Variants in NDST4 observed in about 807,000 individuals in gnomAD.
The protein encoded by NDST4 is N-deacetylase and N-sulfotransferase 4.
In NDST4, 63 loss-of-function variants were observed where a neutral mutation model predicts 100.8. That is an observed-to-expected ratio of 0.62 (90% CI 0.51 to 0.77). The LOEUF (loss-of-function observed/expected upper bound fraction) is 0.77. Among genes scored for constraint, NDST4 ranks in the 30% least tolerant of loss-of-function variants. The pLI, the probability that NDST4 is intolerant of heterozygous loss-of-function variation, is 0.00. For synonymous variants in NDST4, 377 were observed against 361.8 expected (o/e 1.04, Z -0.48); for missense variants, 943 against 1,018.4 (o/e 0.93, Z 1.01).
chr4:115,021,629 G>A (rs530848672), intron 2 of NDST4, among the ~76,000 whole-genome samples: 22 of 129,616 alleles, frequency 1.7e-4, no homozygotes, highest in African/African-American at 5.0e-4. Context: ...ATATACACAC[G>A]TTCCACATAT....
intron 1 of NDST4, among the ~76,000 whole-genome samples, chr4:115,088,279 C>T (rs892248433): frequency 1.4e-4 from 21 of 151,686 alleles, no homozygotes; most frequent in African/African-American, 4.8e-4. Flanking sequence ...TCCTTATCTG[C>T]CTCCTGATTC....
At chr4:115,045,993 T>C (rs1223559004) in intron 2 of NDST4, among the ~76,000 whole-genome samples, 4 of 152,108 alleles carry the variant, frequency 2.6e-5, no homozygotes, top group Non-Finnish European at 5.9e-5. Context: ...ATTCACCAAT[T>C]GTGGAAGTTT....
intron 2 of NDST4, among the ~76,000 whole-genome samples, chr4:115,027,980 CAGGTGG>C (rs1560572450): frequency 6.6e-6 from 1 of 151,622 alleles, no homozygotes; most frequent in African/African-American, 2.4e-5. Context: ...TTGAACCCAG[CAGGTGG>C]AGTTTGCGAT....
intron 1 of NDST4, among the ~76,000 whole-genome samples, chr4:115,085,688 T>C (rs947807961): frequency 5.9e-5 from 9 of 152,196 alleles, no homozygotes; most frequent in African/African-American, 2.2e-4. Flanking sequence ...CCTTCTACCA[T>C]GATTTTAAGT....
rs59806494 is a variant in NDST4, at chr4:114,986,793, C to CATATATAT, written c.979-9527_979-9520dup. ...CCTCTAAGCCTGGTATCCAATTATA[C>CATATATAT]ATATATATATATATATATATATATA... On this transcript the variant is annotated intron_variant, in intron 2 of 13. Coordinates refer to ENST00000264363, the MANE Select transcript of NDST4 (RefSeq NM_022569.3). 3.6e-3 allele frequency among the ~76,000 whole-genome samples: 330 copies of CATATATAT among 91,022 alleles called. 6 individuals carry two copies. Among genetic ancestry groups the CATATATAT allele is most frequent in the South Asian group, 0.019 (31 of 1,590 alleles). 59.7% of individuals were successfully genotyped at this position (91,022 alleles called of 152,430 possible). A position where few individuals can be genotyped will look rare whatever the true frequency, so the allele number is the denominator to read the frequency against.
intron 1 of NDST4, among the ~76,000 whole-genome samples, chr4:115,077,515 T>C (rs1729214272): frequency 6.6e-6 from 1 of 152,150 alleles, no homozygotes; most frequent in Non-Finnish European, 1.5e-5. Context: ...TAAACATCCA[T>C]ATGTATATAG....
At chr4:114,883,192 A>T (rs991644766) in intron 6 of NDST4, among the ~76,000 whole-genome samples, 20 of 152,068 alleles carry the variant, frequency 1.3e-4, no homozygotes, top group African/African-American at 4.6e-4. Context: ...GTAAAATTAA[A>T]TTTTTTATTT....
intron 4 of NDST4, among the ~76,000 whole-genome samples, chr4:114,955,270 C>A (rs1726112717): frequency 6.6e-6 from 1 of 152,026 alleles, no homozygotes; most frequent in African/African-American, 2.4e-5. Flanking sequence ...GGAGAAAGAC[C>A]ATGACACAAG....
At chr4:114,895,783 C>T (rs10007951) in intron 6 of NDST4, among the ~76,000 whole-genome samples, 2,777 of 152,022 alleles carry the variant, frequency 0.018, 93 homozygotes, top group African/African-American at 0.064. Context: ...AACTAACCTG[C>T]ACATTGTGCA....
chr4:114,835,503 C>A (rs978934847), intron 11 of NDST4, among the ~76,000 whole-genome samples: 2 of 151,742 alleles, frequency 1.3e-5, no homozygotes, highest in East Asian at 3.8e-4. Context: ...GATTTCCATT[C>A]TTTTGCATTT....
rs185726419 is a variant in NDST4, at chr4:114,982,284, T to C, written c.979-5010A>G. Among the ~76,000 whole-genome samples, 23 of 152,318 alleles carry C rather than the reference T, an allele frequency of 1.5e-4. 1 individual carries two copies. In the East Asian group the frequency reaches 2.5e-3, roughly 17 times the overall value. Reference sequence around the variant, plus strand: ...AAGGTTGGAACTTCCTAGAGACTTGTTGAATGGTTGTGACCAAAATGCTGA... The same window carrying C: ...AAGGTTGGAACTTCCTAGAGACTTGCTGAATGGTTGTGACCAAAATGCTGA... On this transcript the variant is annotated intron_variant, in intron 2 of 13. Transcript: ENST00000264363.
chr4:114,918,570 AT>A (rs908713505), intron 6 of NDST4, among the ~76,000 whole-genome samples: 21 of 145,988 alleles, frequency 1.4e-4, no homozygotes, highest in African/African-American at 3.3e-4. Flanking sequence ...TAAAAAAAAA[AT>A]AAAATAAAAA....
chr4:115,066,884 C>T (rs1728959457), intron 2 of NDST4, among the ~76,000 whole-genome samples: 2 of 152,162 alleles, frequency 1.3e-5, no homozygotes, highest in Non-Finnish European at 2.9e-5. Context: ...CTAACTACCA[C>T]ATTCTCTGTT....
intron 2 of NDST4, among the ~76,000 whole-genome samples, chr4:115,006,346 A>G (rs1216742902): frequency 1.3e-5 from 2 of 152,088 alleles, no homozygotes; most frequent in Non-Finnish European, 2.9e-5. Flanking sequence ...GATCAAACAG[A>G]TATCATTCAT....
chr4:114,878,028 A>T (rs898500503), intron 6 of NDST4, among the ~76,000 whole-genome samples: 1 of 152,132 alleles, frequency 6.6e-6, no homozygotes, highest in African/African-American at 2.4e-5. Flanking sequence ...AGAAAGAGAA[A>T]AAAGAAATGA....
At chr4:115,019,400 TG>T (rs1307021361) in intron 2 of NDST4, among the ~76,000 whole-genome samples, 2 of 152,264 alleles carry the variant, frequency 1.3e-5, no homozygotes, top group African/African-American at 4.8e-5. Flanking sequence ...AAAGAAAAGA[TG>T]CCAGGTGACC....
chr4:114,838,722 C>T (rs1033895717), intron 11 of NDST4, among the ~76,000 whole-genome samples: 8 of 150,856 alleles, frequency 5.3e-5, no homozygotes, highest in South Asian at 2.1e-4. Flanking sequence ...ATGTAGGTGA[C>T]GGATTGATGG....
chr4:114,915,563 C>T (rs1725151207), intron 6 of NDST4, among the ~76,000 whole-genome samples: 1 of 152,026 alleles, frequency 6.6e-6, no homozygotes, highest in Admixed American at 6.6e-5. Flanking sequence ...CAATAGTTAC[C>T]TTCCTGATTT....
chr4:114,997,358 A>G (rs1727187205), intron 2 of NDST4, among the ~76,000 whole-genome samples: 1 of 152,068 alleles, frequency 6.6e-6, no homozygotes, highest in South Asian at 2.1e-4. Context: ...AAAAAAACAA[A>G]AAGAGTTATG....
Sources: gnomAD v4.1 joint callset for allele counts (sites outside exome capture counted in the v4.1 genomes callset) on GRCh38, gnomAD v4.1.1 for gene constraint, MANE v1.5 for transcripts, NCBI Gene and HGNC (gene_info 2026-07-23, HGNC 2026-07-21) for gene names.